The following EYS variants were observed in gnomAD, a reference collection of about 807,000 sequenced individuals.
EYS encodes protein eyes shut homolog.
In EYS, 250 loss-of-function variants were observed where a neutral mutation model predicts 282.1. That is an observed-to-expected ratio of 0.89 (90% CI 0.80 to 0.98). The LOEUF (loss-of-function observed/expected upper bound fraction) is 0.98. Ranked by LOEUF, EYS falls within the 50% of genes least tolerant of loss-of-function variation. EYS has a pLI of 0.00. For synonymous variants in EYS, 1,355 were observed against 1,282.9 expected (o/e 1.06, Z -1.20); for missense variants, 4,016 against 3,709.0 (o/e 1.08, Z -2.15).
chr6:64,497,410 G>C (rs1776923992), intron 26 of EYS, among the ~76,000 whole-genome samples: 3 of 152,096 alleles, frequency 2.0e-5, no homozygotes, highest in South Asian at 4.1e-4. Context: ...ATCTTACATG[G>C]TTGAAGAATT....
At chr6:64,984,467 G>C (rs964208545) in intron 14 of EYS, among the ~76,000 whole-genome samples, 56 of 151,240 alleles carry the variant, frequency 3.7e-4, no homozygotes, top group Non-Finnish European at 7.0e-4. Flanking sequence ...TTTTTAAACT[G>C]CCTACAAAAG....
intron 22 of EYS, among the ~76,000 whole-genome samples, chr6:64,655,811 A>G (rs1768724542): frequency 6.6e-6 from 1 of 152,180 alleles, no homozygotes; most frequent in South Asian, 2.1e-4. Flanking sequence ...CATATGGTCC[A>G]TAATGAATAG....
At chr6:64,514,150 G>A (rs1331743148) in intron 26 of EYS, among the ~76,000 whole-genome samples, 1 of 151,620 alleles carries the variant, frequency 6.6e-6, no homozygotes, top group Non-Finnish European at 1.5e-5. Flanking sequence ...CTCCCCTATT[G>A]ATTGTGATCT....
At chr6:64,564,859 G>C (rs1041683028) in intron 26 of EYS, among the ~76,000 whole-genome samples, 4 of 152,064 alleles carry the variant, frequency 2.6e-5, no homozygotes, top group African/African-American at 9.7e-5. Context: ...ACAGATTGTC[G>C]TTTTAATAAC....
intron 19 of EYS, among the ~76,000 whole-genome samples, chr6:64,843,412 C>A (rs370942344): frequency 6.6e-6 from 1 of 152,114 alleles, no homozygotes; most frequent in Admixed American, 6.6e-5. Flanking sequence ...TGGGCTATAC[C>A]CTGAAAAGCC....
intron 33 of EYS, among the ~76,000 whole-genome samples, chr6:64,040,200 T>C (rs1194597748): frequency 6.6e-6 from 1 of 152,222 alleles, no homozygotes; most frequent in African/African-American, 2.4e-5. Flanking sequence ...AGCTACTATA[T>C]TTAAATCCAG....
At chr6:64,464,985 T>C (rs151121924) in intron 26 of EYS, among the ~76,000 whole-genome samples, 71 of 151,928 alleles carry the variant, frequency 4.7e-4, no homozygotes, top group African/African-American at 1.7e-3. Flanking sequence ...AGAACAATTC[T>C]TGTTACAAAA....
At chr6:64,599,009 A>G (rs1429503051) in intron 24 of EYS, among the ~76,000 whole-genome samples, 2 of 152,188 alleles carry the variant, frequency 1.3e-5, no homozygotes, top group East Asian at 1.9e-4. Context: ...ATATATTTAC[A>G]CAAAAGCAAG....
At chr6:64,424,210 A>C (rs562519578) in intron 28 of EYS, among the ~76,000 whole-genome samples, 1 of 152,232 alleles carries the variant, frequency 6.6e-6, no homozygotes, top group Non-Finnish European at 1.5e-5. Context: ...CCCCGTTTTC[A>C]TATTTTTGAC....
At chr6:63,890,335 C>A (rs192729483) in intron 35 of EYS, among the ~76,000 whole-genome samples, 4 of 152,172 alleles carry the variant, frequency 2.6e-5, no homozygotes, top group Admixed American at 2.6e-4. Flanking sequence ...TAAAATTGAC[C>A]ACATAATTGG....
intron 22 of EYS, among the ~76,000 whole-genome samples, chr6:64,671,749 G>C (rs1007528767): frequency 6.6e-6 from 1 of 151,950 alleles, no homozygotes; most frequent in South Asian, 2.1e-4. Flanking sequence ...ACCAAACATA[G>C]TTTTAGAAGA....
chr6:64,271,900 C>T (rs963531520), intron 30 of EYS, among the ~76,000 whole-genome samples: 3 of 152,150 alleles, frequency 2.0e-5, no homozygotes, highest in South Asian at 4.2e-4. Context: ...AGTGCAATGG[C>T]GTGATCTCAG....
intron 26 of EYS, among the ~76,000 whole-genome samples, chr6:64,453,812 A>G (rs1047995545): frequency 5.9e-5 from 9 of 152,096 alleles, no homozygotes; most frequent in Non-Finnish European, 1.2e-4. Context: ...AACAATGAGA[A>G]CACATGGACA....
At chr6:63,962,266 A>C (rs920604324) in intron 35 of EYS, among the ~76,000 whole-genome samples, 25 of 152,214 alleles carry the variant, frequency 1.6e-4, no homozygotes, top group African/African-American at 5.8e-4. Flanking sequence ...AATGGGATCT[A>C]ATTAAACTAA....
intron 5 of EYS, among the ~76,000 whole-genome samples, chr6:65,433,496 A>C (rs376878045): frequency 3.2e-4 from 48 of 152,252 alleles, no homozygotes; most frequent in African/African-American, 1.1e-3. Context: ...TGATTAAGAG[A>C]ATGTTTGAGA....
chr6:63,973,663 C>G (rs140451406), intron 35 of EYS, among the ~76,000 whole-genome samples: 21 of 152,194 alleles, frequency 1.4e-4, no homozygotes, highest in African/African-American at 4.8e-4. Context: ...CTATGCATAT[C>G]CCAGCACAGA....
At chr6:64,648,296 C>T (rs902598305) in intron 22 of EYS, among the ~76,000 whole-genome samples, 1 of 152,120 alleles carries the variant, frequency 6.6e-6, no homozygotes, top group African/African-American at 2.4e-5. Flanking sequence ...TGTGTGACAA[C>T]CATAGACTCC....
intron 31 of EYS, among the ~76,000 whole-genome samples, chr6:64,123,702 A>G (rs1241216234): frequency 6.6e-6 from 1 of 152,242 alleles, no homozygotes; most frequent in East Asian, 1.9e-4. Flanking sequence ...ACTGGGAAAC[A>G]GGGTGAGATG....
chr6:65,326,307 CA>C (rs1379574643), intron 11 of EYS, among the ~76,000 whole-genome samples: 1 of 151,650 alleles, frequency 6.6e-6, no homozygotes, highest in East Asian at 1.9e-4. Flanking sequence ...AGATTTATTT[CA>C]TAAATGAATT....
Sources: gnomAD v4.1 joint callset for allele counts (sites outside exome capture counted in the v4.1 genomes callset) on GRCh38, gnomAD v4.1.1 for gene constraint, MANE v1.5 for transcripts, NCBI Gene and HGNC (gene_info 2026-07-23, HGNC 2026-07-21) for gene names.